The following NTM variants were observed in gnomAD, a reference collection of about 807,000 sequenced individuals.
The protein encoded by NTM is IgLON family member 2.
A neutral mutation model predicts 42.1 loss-of-function variants in NTM; 13 were observed. The observed-to-expected ratio is 0.31, with a 90% CI of 0.20 to 0.49. NTM has a LOEUF of 0.49. NTM is among the 20% of genes least tolerant of loss of function. NTM has a pLI of 0.99. For missense variants in NTM, 373 were observed against 452.8 expected (o/e 0.82, Z 1.60); for synonymous variants, 187 against 179.2 (o/e 1.04, Z -0.35).
chr11:131,378,862 C>G (rs896694121), intron 1 of NTM, among the ~76,000 whole-genome samples: 1 of 152,202 alleles, frequency 6.6e-6, no homozygotes, highest in Admixed American at 6.5e-5. Flanking sequence ...ACTGCTCCCT[C>G]CTTCTCATGG....
At chr11:132,309,809 C>T (rs1027296997) in intron 5 of NTM, among the ~76,000 whole-genome samples, 1 of 152,050 alleles carries the variant, frequency 6.6e-6, no homozygotes, top group Non-Finnish European at 1.5e-5. Context: ...TAATCCCAGC[C>T]CTTTTGGAGG....
At chr11:131,524,344 T>A (rs2050168386) in intron 1 of NTM, among the ~76,000 whole-genome samples, 1 of 152,112 alleles carries the variant, frequency 6.6e-6, no homozygotes, top group African/African-American at 2.4e-5. Flanking sequence ...GGGCTCTCGG[T>A]CCTCCCAGGC....
intron 1 of NTM, among the ~76,000 whole-genome samples, chr11:131,803,221 C>T (rs763614204): frequency 1.3e-5 from 2 of 152,104 alleles, no homozygotes; most frequent in African/African-American, 2.4e-5. Context: ...GGCATCTTCA[C>T]GCTTCTTCAT....
intron 2 of NTM, among the ~76,000 whole-genome samples, chr11:131,942,089 G>T (rs1274735066): frequency 6.6e-6 from 1 of 152,152 alleles, no homozygotes; most frequent in African/African-American, 2.4e-5. Context: ...TAAAATGAAA[G>T]AAGTTGTCAT....
intron 4 of NTM, among the ~76,000 whole-genome samples, chr11:132,261,077 G>A (rs2139536698): frequency 6.6e-6 from 1 of 152,314 alleles, no homozygotes; most frequent in African/African-American, 2.4e-5. Context: ...TTAGCCTGAT[G>A]TGAAGGTGAC....
At chr11:132,306,890 G>T (rs2095105046) in intron 4 of NTM, among the ~76,000 whole-genome samples, 1 of 152,198 alleles carries the variant, frequency 6.6e-6, no homozygotes, top group Non-Finnish European at 1.5e-5. Context: ...ATAACTGAGT[G>T]CTCATGGCCA....
intron 2 of NTM, among the ~76,000 whole-genome samples, chr11:132,103,838 A>T (rs1163470095): frequency 6.6e-6 from 1 of 152,190 alleles, no homozygotes; most frequent in Non-Finnish European, 1.5e-5. Context: ...TGCAGATGAA[A>T]ATGCAGAGCA....
At chr11:132,010,100 C>G (rs1249925534) in intron 2 of NTM, among the ~76,000 whole-genome samples, 1 of 152,162 alleles carries the variant, frequency 6.6e-6, no homozygotes, top group Admixed American at 6.5e-5. Flanking sequence ...TTTAGAAAAT[C>G]CAAACACTTA....
intron 1 of NTM, among the ~76,000 whole-genome samples, chr11:131,532,634 G>T (rs1414305603): frequency 6.6e-6 from 1 of 152,150 alleles, no homozygotes; most frequent in African/African-American, 2.4e-5. Context: ...TTTATTTGAG[G>T]AACTGCTAAG....
At chr11:131,999,568 C>T (rs1431146475) in intron 2 of NTM, among the ~76,000 whole-genome samples, 1 of 152,216 alleles carries the variant, frequency 6.6e-6, no homozygotes, top group East Asian at 1.9e-4. Context: ...CTGGTAGATG[C>T]TCCCTTCCTT....
At position 132,046,398 on chromosome 11, in the gene NTM, C is replaced by T. The variant is rs199869154; in HGVS notation, c.168-99884C>T. 2.0e-5 allele frequency among the ~76,000 whole-genome samples: 3 copies of T among 150,258 alleles called. No homozygotes were observed. The South Asian group carries it at 6.4e-4, about 32-fold the overall frequency. On this transcript the variant is annotated intron_variant, in intron 2 of 8. Coordinates refer to ENST00000683400, the MANE Select transcript of NTM (RefSeq NM_001352005.2). ...AGAAAAAGGAAAAGAAAAAAAAAAACCCACCCCTTTACATAACAACACAGC... is the reference window on the plus strand; with the variant it reads ...AGAAAAAGGAAAAGAAAAAAAAAAATCCACCCCTTTACATAACAACACAGC...
Position 132,069,467 on chromosome 11 carries a change from C to T in NTM, c.168-76815C>T, listed in dbSNP as rs192921849. Among the ~76,000 whole-genome samples, 22 of 121,934 alleles carry T rather than the reference C, an allele frequency of 1.8e-4. 2 individuals carry two copies. The East Asian group carries it at 2.5e-3, about 14-fold the overall frequency. 80.0% of individuals were successfully genotyped at this position (121,934 alleles called of 152,430 possible). A position where few individuals can be genotyped will look rare whatever the true frequency, so the allele number is the denominator to read the frequency against. On this transcript the variant is annotated intron_variant, in intron 2 of 8. Coordinates refer to ENST00000683400, the MANE Select transcript of NTM (RefSeq NM_001352005.2). ...AGCCAAGTTAACACGTCAAACTGAC[C>T]GTCACAGGTTAGTTAACATGTCACA...
intron 2 of NTM, among the ~76,000 whole-genome samples, chr11:132,096,789 C>A (rs1209929555): frequency 6.6e-6 from 1 of 152,132 alleles, no homozygotes; most frequent in Non-Finnish European, 1.5e-5. Context: ...CATAAATCAT[C>A]ATGCAGTTTT....
intron 1 of NTM, among the ~76,000 whole-genome samples, chr11:131,454,716 C>T (rs1950740930): frequency 6.8e-6 from 1 of 146,374 alleles, no homozygotes; most frequent in Non-Finnish European, 1.5e-5. Flanking sequence ...GGGGCGGGAG[C>T]AGTGGAGAAA....
intron 1 of NTM, among the ~76,000 whole-genome samples, chr11:131,586,042 C>T (rs1287810163): frequency 6.6e-6 from 1 of 152,212 alleles, no homozygotes; most frequent in East Asian, 1.9e-4. Context: ...AGTGAAATTA[C>T]ACACTGTCAT....
chr11:132,315,934 ATGCCTTTT>A (rs149656837), intron 7 of NTM, among the ~76,000 whole-genome samples: 4,302 of 152,196 alleles, frequency 0.028, 212 homozygotes, highest in African/African-American at 0.095. Flanking sequence ...TGCATTTTTC[ATGCCTTTT>A]TGCCTTTTTG....
chr11:132,230,215 C>G (rs973905038), intron 4 of NTM, among the ~76,000 whole-genome samples: 1 of 152,176 alleles, frequency 6.6e-6, no homozygotes, highest in African/African-American at 2.4e-5. Context: ...GAGTGGGGAA[C>G]AGCAAAGCTA....
At chr11:132,281,949 C>G (rs1214733187) in intron 4 of NTM, among the ~76,000 whole-genome samples, 1 of 152,298 alleles carries the variant, frequency 6.6e-6, no homozygotes, top group South Asian at 2.1e-4. Context: ...AAACTTTCAA[C>G]CTGTGAGCTT....
At chr11:131,781,308 GTT>G (rs1284237989) in intron 1 of NTM, among the ~76,000 whole-genome samples, 1 of 151,900 alleles carries the variant, frequency 6.6e-6, no homozygotes, top group African/African-American at 2.4e-5. Flanking sequence ...AAGCATAAAA[GTT>G]TTGAACTCAG....
Sources: allele counts gnomAD v4.1 joint callset (sites outside exome capture counted in the v4.1 genomes callset), GRCh38; gene constraint gnomAD v4.1.1; transcripts MANE v1.5; gene names NCBI Gene and HGNC (gene_info 2026-07-23, HGNC 2026-07-21).